DAO: variants seen among roughly 807,000 people sequenced by gnomAD.
The protein encoded by DAO is D-amino acid oxidase, also known as D-amino-acid oxidase.
A neutral mutation model predicts 50.1 loss-of-function variants in DAO; 51 were observed. That is an observed-to-expected ratio of 1.02 (90% CI 0.81 to 1.29). The LOEUF is 1.29. Ranked by LOEUF, DAO falls within the 50% of genes most tolerant of loss-of-function variation. The probability of loss-of-function intolerance (pLI) is 0.00; values close to 1 mark genes in which losing one functional copy is unlikely to be tolerated. For synonymous variants in DAO, 160 were observed against 166.2 expected (o/e 0.96, Z 0.29); for missense variants, 436 against 439.4 (o/e 0.99, Z 0.07).
intron 10 of DAO, chr12:108,899,811 G>A (rs999444769): frequency 7.8e-6 from 3 of 385,344 alleles, no homozygotes; most frequent in East Asian, 5.9e-5. Flanking sequence ...CAGAGGTGAC[G>A]ATCTCAAAGG....
chr12:108,882,348 A>G (rs2137336367), intron 1 of DAO, among the ~76,000 whole-genome samples: 1 of 152,280 alleles, frequency 6.6e-6, no homozygotes, highest in East Asian at 1.9e-4. Flanking sequence ...CCTTGTCTCT[A>G]CTAAAAATAC....
rs546096622 is a variant in DAO, at chr12:108,894,577, C to T, written c.612+210C>T. Among the ~76,000 whole-genome samples the T allele has an allele frequency of 1.8e-3, 269 of 152,222 alleles. 8 individuals are homozygous for T. In the South Asian group the frequency reaches 0.025, roughly 14 times the overall value. On this transcript the variant is annotated intron_variant, in intron 7 of 10. Coordinates refer to ENST00000228476, the MANE Select transcript of DAO (RefSeq NM_001917.5). The stretch of plus-strand genomic sequence containing the variant: ...CTTGATCGTGAAGCATGCATGTATG[C>T]GCTTGTACCTATGTGGGAGCAGCAT...
At chr12:108,886,774 A>T (rs1284415537) in intron 2 of DAO, among the ~76,000 whole-genome samples, 1 of 152,134 alleles carries the variant, frequency 6.6e-6, no homozygotes, top group Non-Finnish European at 1.5e-5. Flanking sequence ...CCAGAATTTT[A>T]ATTCACACAG....
chr12:108,900,327 T>A, intron 10 of DAO, 77 bp from the exon 11 acceptor site: 1 of 1,579,616 alleles, frequency 6.3e-7, no homozygotes, highest in Non-Finnish European at 8.7e-7. Flanking sequence ...TCCTGAGTCT[T>A]CCAGGGCAGA....
chr12:108,891,331 T>C (rs1171749169), intron 5 of DAO, among the ~76,000 whole-genome samples: 1 of 151,492 alleles, frequency 6.6e-6, no homozygotes, highest in African/African-American at 2.4e-5. Flanking sequence ...ATGCCTGTAG[T>C]CACAGCTACT....
chr12:108,886,859 G>A (rs377400699), intron 2 of DAO, among the ~76,000 whole-genome samples: 18 of 152,310 alleles, frequency 1.2e-4, no homozygotes, highest in Middle Eastern at 3.4e-3. Context: ...TGGCTCTGCC[G>A]TTTTTCCACG....
intron 5 of DAO, among the ~76,000 whole-genome samples, chr12:108,892,376 C>T (rs554804278): frequency 1.3e-5 from 2 of 151,836 alleles, no homozygotes; most frequent in South Asian, 4.2e-4. Flanking sequence ...CCGTCTTAGC[C>T]AGGATGGTCT....
Position 108,899,728 on chromosome 12 carries a change from A to C in DAO, c.912+253A>C, listed in dbSNP as rs900689875. The C allele has an allele frequency of 9.4e-6, 5 of 530,230 alleles. No individual in the cohort carries two copies. The African/African-American group carries it at 9.5e-5, about 10-fold the overall frequency. The allele number at this position is 530,230 out of a possible 1,614,324, so 32.8% of individuals were successfully genotyped here. A position where few individuals can be genotyped will look rare whatever the true frequency, so the allele number is the denominator to read the frequency against. ...GGTGCTGATGAGATCAATGTTGATA[A>C]TGGTGTGACTGGGAGTGGGGATGGT... On this transcript the variant is annotated intron_variant, in intron 10 of 10. Coordinates refer to ENST00000228476, the MANE Select transcript of DAO (RefSeq NM_001917.5).
rs1457470237 is a variant in DAO, at chr12:108,897,024, A to C, written c.631A>C (p.Lys211Gln). The change falls in exon 8 of 11, where the codon AAG (lysine) becomes CAG (glutamine). Residue 211 changes from lysine (K) to glutamine (Q), a missense_variant. Transcript: ENST00000228476. ...TCAACAGGTGGACGCCCCTTGGATG[A>C]AGCACTTCATTCTCACCCATGACCC... Reference protein sequence around the residue: ...QIMKVDAPWMKHFILTHDPER... With the variant: ...QIMKVDAPWMQHFILTHDPER... 3 of 1,613,892 alleles carry C rather than the reference A, an allele frequency of 1.9e-6. No individual in the cohort carries two copies. The South Asian group carries it at 3.3e-5, about 18-fold the overall frequency.
chr12:108,894,237 C>T (rs2039522206), intron 6 of DAO, 26 bp from the exon 7 acceptor site: 3 of 1,575,062 alleles, frequency 1.9e-6, no homozygotes, highest in Admixed American at 3.4e-5. Flanking sequence ...CCTTTCATCC[C>T]CCACTACCCT....
At chr12:108,900,163 T>A (rs1216971459) in intron 10 of DAO, 1 of 482,282 alleles carries the variant, frequency 2.1e-6, no homozygotes, top group African/African-American at 2.0e-5. Flanking sequence ...GGCTGGGATG[T>A]GATTTGAATT....
intron 1 of DAO, 105 bp from the exon 2 acceptor site, chr12:108,884,893 G>A (rs2039418078): frequency 2.9e-6 from 3 of 1,026,088 alleles, no homozygotes; most frequent in South Asian, 2.5e-5. Context: ...AAAAGGGCTT[G>A]GTGGTGTCTG....
intron 7 of DAO, among the ~76,000 whole-genome samples, chr12:108,895,676 A>G (rs1409878617): frequency 1.2e-4 from 16 of 133,828 alleles, no homozygotes; most frequent in Admixed American, 7.5e-4. Flanking sequence ...GTGTGCATGT[A>G]TGTAAGGGTG....
chr12:108,894,857 C>A (rs952965630), intron 7 of DAO, among the ~76,000 whole-genome samples: 1 of 152,182 alleles, frequency 6.6e-6, no homozygotes, highest in African/African-American at 2.4e-5. Flanking sequence ...AGACTACAAG[C>A]GCATGCCACC....
At chr12:108,883,144 T>G (rs2039398285) in intron 1 of DAO, among the ~76,000 whole-genome samples, 2 of 142,158 alleles carry the variant, frequency 1.4e-5, no homozygotes, top group Non-Finnish European at 3.0e-5. Flanking sequence ...TCTGCCTTTC[T>G]CTTCTCCTCT....
intron 10 of DAO, 107 bp downstream of exon 10, chr12:108,899,582 A>G: frequency 2.1e-6 from 2 of 966,920 alleles, no homozygotes; most frequent in Non-Finnish European, 3.2e-6. Context: ...CAGGCTCCAT[A>G]GCAGGCAGGG....
At position 108,885,010 on chromosome 12, in the gene DAO, C is replaced by T. The variant is rs773765064; in HGVS notation, c.4C>T (p.Arg2Cys). 14 of 1,613,930 alleles carry T rather than the reference C, an allele frequency of 8.7e-6. No homozygotes were observed. Among genetic ancestry groups the T allele is most frequent in the African/African-American group, 8.0e-5 (6 of 74,908 alleles). The change falls in exon 2 of 11, where the codon CGT (arginine) becomes TGT (cysteine). Residue 2 changes from arginine to cysteine, a missense_variant. By Grantham distance (180) the Arg-to-Cys change is radical. Transcript: ENST00000228476. ...TTCCTTCCCACAGGCTGCTGCAATG[C>T]GTGTGGTGGTGATTGGAGCAGGAGT... M[R>C]VVVIGAGVIG... is the part of the protein sequence containing the mutation.
intron 6 of DAO, 95 bp from the exon 7 acceptor site, chr12:108,894,168 G>A (rs749687065): frequency 2.9e-5 from 28 of 956,924 alleles, no homozygotes; most frequent in Middle Eastern, 3.0e-4. Flanking sequence ...TCAGGGAGTA[G>A]ACAGATTGAG....
At chr12:108,900,269 A>G in intron 10 of DAO, 135 bp from the exon 11 acceptor site, 1 of 1,137,758 alleles carries the variant, frequency 8.8e-7, no homozygotes, top group South Asian at 1.3e-5. Context: ...CCCGGTGCCA[A>G]GAGAAGCTCA....
Sources: allele counts gnomAD v4.1 joint callset (sites outside exome capture counted in the v4.1 genomes callset), GRCh38; gene constraint gnomAD v4.1.1; transcripts MANE v1.5; gene names NCBI Gene and HGNC (gene_info 2026-07-23, HGNC 2026-07-21).